FRAT1: variants seen among roughly 807,000 people sequenced by gnomAD.
FRAT1 encodes FRAT regulator of Wnt signaling pathway 1.
In FRAT1, 9 loss-of-function variants were observed where a neutral mutation model predicts 16.9. The ratio of observed to expected loss-of-function variants is 0.53; its 90% CI spans 0.32 to 0.93. FRAT1 has a LOEUF of 0.93. Ranked by LOEUF, FRAT1 falls within the 40% of genes least tolerant of loss-of-function variation. The pLI is 0.04. For synonymous variants in FRAT1, 191 were observed against 202.1 expected (o/e 0.95, Z 0.46); for missense variants, 354 against 402.8 (o/e 0.88, Z 1.04).
rs1161118174 is a variant in FRAT1, at chr10:97,319,389, C to T, written c.-65C>T. ...CCGCGCCCGCTCCGCCGCGGCCCACCGCGCCCGCCGGCAGCCGAGCCCCCA... is the reference window on the plus strand; with the variant it reads ...CCGCGCCCGCTCCGCCGCGGCCCACTGCGCCCGCCGGCAGCCGAGCCCCCA... On this transcript the variant is annotated 5_prime_UTR_variant, in exon 1 of 1. Coordinates refer to ENST00000371021, the MANE Select transcript of FRAT1 (RefSeq NM_005479.4). 1.6e-6 allele frequency: 2 copies of T among 1,275,836 alleles called. No individual in the cohort carries two copies. Among genetic ancestry groups the T allele is most frequent in the Non-Finnish European group, 9.9e-7 (1 of 1,013,432 alleles). 79.0% of individuals were successfully genotyped at this position (1,275,836 alleles called of 1,614,324 possible).
chr10:97,320,237 G>T lies in FRAT1; in HGVS notation c.784G>T (p.Ala262Ser). 6.2e-7 allele frequency: 1 copy of T among 1,604,330 alleles called. No homozygotes were observed. The highest frequency in any genetic ancestry group is 8.5e-7 in the Non-Finnish European group (1 of 1,176,188). ...TCGCGCGGCCTGCAGTGACCCTGGC[G>T]CCTCCGGGAGGGCGCAGCTCAGAAC... ...SPRAACSDPG[A>S]SGRAQLRTGD... Residue 262 changes from alanine (A) to serine (S), a missense_variant, in exon 1 of 1, where the codon GCC (alanine) becomes TCC (serine). Transcript: ENST00000371021.
chr10:97,319,962 G>A lies in FRAT1; in HGVS notation c.509G>A (p.Arg170Gln), dbSNP rs1442754450. The A allele has an allele frequency of 3.9e-6, 6 of 1,541,146 alleles. No homozygotes were observed. The highest frequency in any genetic ancestry group is 5.2e-6 in the Non-Finnish European group (6 of 1,146,556). The change falls in exon 1 of 1, where the codon CGA (arginine) becomes CAA (glutamine). Residue 170 changes from arginine (R) to glutamine (Q), a missense_variant. Around this residue, in one of 3 missense-constraint regions of FRAT1, gnomAD observed 286 missense variants for 311.0 expected, o/e 0.92. Coordinates refer to ENST00000371021, the MANE Select transcript of FRAT1 (RefSeq NM_005479.4). ...IPQPLSGPCR[R>Q]GWLRGAAASR... ...CAGCCGCTGTCGGGTCCGTGCCGGC[G>A]AGGATGGCTCCGGGGCGCCGCCGCC...
In FRAT1 at chr10:97,321,129, G is replaced by A. The variant is rs529930770; in HGVS notation, c.*836G>A. The A allele has an allele frequency of 3.0e-5, 5 of 167,276 alleles. No homozygotes were observed. The highest frequency in any genetic ancestry group is 3.9e-4 in the East Asian group (2 of 5,190). 10.4% of individuals were successfully genotyped at this position (167,276 alleles called of 1,614,324 possible). On this transcript the variant is annotated 3_prime_UTR_variant, in exon 1 of 1. Transcript: ENST00000371021. ...GAGTAGCCAGGTTCTGCCGGTGCTC[G>A]GAGAAGAGCGCAGTGTTTTGCAAGT...
Position 97,320,393 on chromosome 10 carries a change from G to T in FRAT1, c.*100G>T. ...AGGCTGGTGGAGAACTCTGGCTTTT[G>T]GAAGCGAGAGTAAAAAGCTAATGAC... On this transcript the variant is annotated 3_prime_UTR_variant, in exon 1 of 1. Coordinates refer to ENST00000371021, the MANE Select transcript of FRAT1 (RefSeq NM_005479.4). 8.5e-7 allele frequency: 1 copy of T among 1,178,772 alleles called. No individual in the cohort carries two copies. The highest frequency in any genetic ancestry group is 1.2e-6 in the Non-Finnish European group (1 of 864,614). The allele number at this position is 1,178,772 out of a possible 1,614,324, so 73.0% of individuals were successfully genotyped here.
At position 97,319,682 on chromosome 10, in the gene FRAT1, C is replaced by T. The variant is rs1027420801; in HGVS notation, c.229C>T (p.Leu77=). 2.6e-6 allele frequency: 3 copies of T among 1,175,246 alleles called. No individual in the cohort carries two copies. The highest frequency in any genetic ancestry group is 1.6e-5 in the African/African-American group (1 of 61,852). The allele number at this position is 1,175,246 out of a possible 1,614,324, so 72.8% of individuals were successfully genotyped here. The change falls in exon 1 of 1, where the codon CTG becomes TTG. Residue 77 remains leucine, a synonymous_variant. Transcript: ENST00000371021. ...PGAPLRAPGP[L]AAAVPADKAR... is the part of the protein sequence containing the mutation. ...GGCGCCGCTGCGGGCCCCGGGGCCCCTGGCTGCGGCGGTGCCGGCGGACAA... is the reference window on the plus strand; with the variant it reads ...GGCGCCGCTGCGGGCCCCGGGGCCCTTGGCTGCGGCGGTGCCGGCGGACAA...
chr10:97,319,826 G>T lies in FRAT1; in HGVS notation c.373G>T (p.Ala125Ser). 7.1e-7 allele frequency: 1 copy of T among 1,414,218 alleles called. No individual in the cohort carries two copies. The highest frequency in any genetic ancestry group is 9.1e-7 in the Non-Finnish European group (1 of 1,096,202). 87.6% of individuals were successfully genotyped at this position (1,414,218 alleles called of 1,614,324 possible). ...GGACCGCGGCCGCGTGCGGGGCCGC[G>T]CTGCGCCCTACTGCGTGGCCGAGCT... Reference protein sequence around the residue: ...LGDRGRVRGRAAPYCVAELAT... With the variant: ...LGDRGRVRGRSAPYCVAELAT... Residue 125 changes from alanine (A) to serine (S), a missense_variant, in exon 1 of 1, where the codon GCT becomes TCT. Transcript: ENST00000371021.
In FRAT1 at chr10:97,319,948, G is replaced by T. The variant is rs1414557738; in HGVS notation, c.495G>T (p.Ser165=). 10 of 1,537,622 alleles carry T rather than the reference G, an allele frequency of 6.5e-6. No individual in the cohort carries two copies. Among genetic ancestry groups the T allele is most frequent in the Non-Finnish European group, 8.7e-6 (10 of 1,145,822 alleles). ...AGKQGIPQPL[S]GPCRRGWLRG... ...AGCAGGGCATCCCGCAGCCGCTGTCGGGTCCGTGCCGGCGAGGATGGCTCC... is the reference window on the plus strand; with the variant it reads ...AGCAGGGCATCCCGCAGCCGCTGTCTGGTCCGTGCCGGCGAGGATGGCTCC... The change falls in exon 1 of 1, where the codon TCG becomes TCT. Residue 165 remains serine, a synonymous_variant. Coordinates refer to ENST00000371021, the MANE Select transcript of FRAT1 (RefSeq NM_005479.4).
rs1843443545 is a variant in FRAT1, at chr10:97,319,883, C to T, written c.430C>T (p.Pro144Ser). 1.3e-5 allele frequency: 20 copies of T among 1,526,500 alleles called. No homozygotes were observed. The highest frequency in any genetic ancestry group is 1.7e-5 in the Non-Finnish European group (19 of 1,143,586). The allele number at this position is 1,526,500 out of a possible 1,614,324, so 94.6% of individuals were successfully genotyped here. ...AGGCCCCAGCGCGCTGTCCCCACTG[C>T]CCCCTCAGGCCGACCTTGATGGGCC... is the stretch of plus-strand genomic sequence containing the variant. ...ATGPSALSPLPPQADLDGPPG... is the reference protein window; with the variant it reads ...ATGPSALSPLSPQADLDGPPG... The change falls in exon 1 of 1, where the codon CCC (proline) becomes TCC (serine). Residue 144 changes from proline to serine, a missense_variant. By Grantham distance (74) the Pro-to-Ser change is moderately conservative. Transcript: ENST00000371021.
chr10:97,321,198 G>T lies in FRAT1; in HGVS notation c.*905G>T. The T allele has an allele frequency of 6.0e-6, 1 of 166,354 alleles. No homozygotes were observed. The allele number at this position is 166,354 out of a possible 1,614,324, so 10.3% of individuals were successfully genotyped here. A position where few individuals can be genotyped will look rare whatever the true frequency, so the allele number is the denominator to read the frequency against. On this transcript the variant is annotated 3_prime_UTR_variant, in exon 1 of 1. Coordinates refer to ENST00000371021, the MANE Select transcript of FRAT1 (RefSeq NM_005479.4). Reference sequence around the variant, plus strand: ...CACGCGCGTCGCCGCCACCGCGGGTGTGGGAAAGCGCGGACGTGCTGGGCG... The same window carrying T: ...CACGCGCGTCGCCGCCACCGCGGGTTTGGGAAAGCGCGGACGTGCTGGGCG...
rs1251369985 is a variant in FRAT1 at position 97,319,619 on chromosome 10, G to A, written c.166G>A (p.Ala56Thr). ...QIGETLQLDA[A>T]QHSPASPCGP... ...CGGCGAGACGCTGCAGCTGGACGCG[G>A]CGCAGCACAGCCCGGCCTCGCCGTG... The change falls in exon 1 of 1, where the codon GCG becomes ACG. Residue 56 changes from alanine (A) to threonine (T), a missense_variant. Ala to Thr is a moderately conservative substitution (Grantham distance 58, BLOSUM62 0). Around this residue, in one of 3 missense-constraint regions of FRAT1, gnomAD observed 22 missense variants for 54.1 expected, o/e 0.41. Transcript: ENST00000371021. 2 of 1,390,072 alleles carry A rather than the reference G, an allele frequency of 1.4e-6. No homozygotes were observed. The highest frequency in any genetic ancestry group is 3.1e-5 in the South Asian group (2 of 63,998). 86.1% of individuals were successfully genotyped at this position (1,390,072 alleles called of 1,614,324 possible).
Position 97,320,912 on chromosome 10 carries a change from CA to C in FRAT1, c.*620del, listed in dbSNP as rs1351248519. On this transcript the variant is annotated 3_prime_UTR_variant, in exon 1 of 1. Coordinates refer to ENST00000371021, the MANE Select transcript of FRAT1 (RefSeq NM_005479.4). ...CTCTCTTTGCAACTGTCTCTCTTCT[CA>C]GAGTGGTGGGGGAAGGCTGTACGAC... 6.1e-6 allele frequency: 1 copy of C among 163,136 alleles called. No individual in the cohort carries two copies. The highest frequency in any genetic ancestry group is 1.5e-5 in the Non-Finnish European group (1 of 67,696). The allele number at this position is 163,136 out of a possible 1,614,324, so 10.1% of individuals were successfully genotyped here.
At position 97,320,297 on chromosome 10, in the gene FRAT1, G is replaced by T; in HGVS notation, c.*4G>T. The T allele has an allele frequency of 6.4e-7, 1 of 1,556,676 alleles. No individual in the cohort carries two copies. ...CGTTCTTGTGCCTGGCAGCTAACAC[G>T]CCCGGGGTGGCCACAGCGCCAGCCT... On this transcript the variant is annotated 3_prime_UTR_variant, in exon 1 of 1. Transcript: ENST00000371021.
At position 97,320,509 on chromosome 10, in the gene FRAT1, G is replaced by A. The variant is rs1843451745; in HGVS notation, c.*216G>A. 3 of 564,710 alleles carry A rather than the reference G, an allele frequency of 5.3e-6. No individual in the cohort carries two copies. The highest frequency in any genetic ancestry group is 9.4e-6 in the Non-Finnish European group (3 of 318,000). 35.0% of individuals were successfully genotyped at this position (564,710 alleles called of 1,614,324 possible). ...AAGGACTTTGGCCCTATTTAAGGCA[G>A]ATTTTACAGAGCGCACCTCAAACGT... On this transcript the variant is annotated 3_prime_UTR_variant, in exon 1 of 1. Coordinates refer to ENST00000371021, the MANE Select transcript of FRAT1 (RefSeq NM_005479.4).
In FRAT1 at chr10:97,319,798, G is replaced by A; in HGVS notation, c.345G>A (p.Leu115=). ...CCCCTGGGGTCCTGCGCTGCGCCCT[G>A]GGGGACCGCGGCCGCGTGCGGGGCC... ...PAPPGVLRCA[L]GDRGRVRGRA... The change falls in exon 1 of 1, where the codon CTG becomes CTA. Residue 115 remains leucine, a synonymous_variant. Transcript: ENST00000371021. 2 of 1,341,692 alleles carry A rather than the reference G, an allele frequency of 1.5e-6. No homozygotes were observed. The highest frequency in any genetic ancestry group is 1.9e-6 in the Non-Finnish European group (2 of 1,057,146). 83.1% of individuals were successfully genotyped at this position (1,341,692 alleles called of 1,614,324 possible).
At position 97,320,766 on chromosome 10, in the gene FRAT1, G is replaced by C. The variant is rs141543730; in HGVS notation, c.*473G>C. ...GAGAACATGAGTAGATAATTTCAGG[G>C]TGCAGCCCAATCTGCCAGACTTAAA... On this transcript the variant is annotated 3_prime_UTR_variant, in exon 1 of 1. Coordinates refer to ENST00000371021, the MANE Select transcript of FRAT1 (RefSeq NM_005479.4). 2.6e-3 allele frequency: 449 copies of C among 173,906 alleles called. 9 individuals are homozygous for C. The highest frequency in any genetic ancestry group is 0.025 in the Admixed American group (391 of 15,436). 10.8% of individuals were successfully genotyped at this position (173,906 alleles called of 1,614,324 possible). A position where few individuals can be genotyped will look rare whatever the true frequency, so the allele number is the denominator to read the frequency against.
chr10:97,320,361 T>A lies in FRAT1; in HGVS notation c.*68T>A. ...AAGGGGTTCCCTTGAGGGCTGCAGT[T>A]CTACTCAGGCTGGTGGAGAACTCTG... On this transcript the variant is annotated 3_prime_UTR_variant, in exon 1 of 1. Transcript: ENST00000371021. The A allele has an allele frequency of 1.5e-6, 2 of 1,356,704 alleles. No homozygotes were observed. Among genetic ancestry groups the A allele is most frequent in the Non-Finnish European group, 2.0e-6 (2 of 1,012,632 alleles). The allele number at this position is 1,356,704 out of a possible 1,614,324, so 84.0% of individuals were successfully genotyped here.
Position 97,319,924 on chromosome 10 carries a change from G to A in FRAT1, c.471G>A (p.Lys157=). ...ADLDGPPGAG[K]QGIPQPLSGP... ...TTGATGGGCCTCCGGGAGCTGGCAAGCAGGGCATCCCGCAGCCGCTGTCGG... is the reference window on the plus strand; with the variant it reads ...TTGATGGGCCTCCGGGAGCTGGCAAACAGGGCATCCCGCAGCCGCTGTCGG... The change falls in exon 1 of 1, where the codon AAG becomes AAA. Residue 157 remains lysine, a synonymous_variant. Transcript: ENST00000371021. 1.3e-6 allele frequency: 2 copies of A among 1,531,348 alleles called. No homozygotes were observed. Among genetic ancestry groups the A allele is most frequent in the African/African-American group, 1.4e-5 (1 of 72,454 alleles). 94.9% of individuals were successfully genotyped at this position (1,531,348 alleles called of 1,614,324 possible). A position where few individuals can be genotyped will look rare whatever the true frequency, so the allele number is the denominator to read the frequency against.
Position 97,319,503 on chromosome 10 carries a change from G to T in FRAT1, c.50G>T (p.Gly17Val). ...GAGGAAGCCGGCGAGGAGGCGGAGG[G>T]GGAGGAAGAGGAGGAGGACAGCTTC... is the stretch of plus-strand genomic sequence containing the variant. ...EEEEAGEEAE[G>V]EEEEEDSFLL... Residue 17 changes from glycine to valine, a missense_variant, in exon 1 of 1, where the codon GGG becomes GTG. By Grantham distance (109) the Gly-to-Val change is moderately radical. Transcript: ENST00000371021. The T allele has an allele frequency of 6.8e-7, 1 of 1,476,876 alleles. No individual in the cohort carries two copies. Among genetic ancestry groups the T allele is most frequent in the African/African-American group, 1.5e-5 (1 of 68,712 alleles). 91.5% of individuals were successfully genotyped at this position (1,476,876 alleles called of 1,614,324 possible). A position where few individuals can be genotyped will look rare whatever the true frequency, so the allele number is the denominator to read the frequency against.
rs1843439105 is a variant in FRAT1, at chr10:97,319,608, A to G, written c.155A>G (p.Gln52Arg). Residue 52 changes from glutamine to arginine, a missense_variant, in exon 1 of 1, where the codon CAG becomes CGG. Physicochemically the swap from Gln to Arg is conservative, Grantham distance 43 (BLOSUM62 1). This residue lies in a region of FRAT1 where 22 missense variants were observed against 54.1 expected (regional missense o/e 0.41). Transcript: ENST00000371021. ...GTGGCCCAGATCGGCGAGACGCTGC[A>G]GCTGGACGCGGCGCAGCACAGCCCG... The part of the protein sequence containing the change: ...RLVAQIGETL[Q>R]LDAAQHSPAS... 2.8e-6 allele frequency: 4 copies of G among 1,437,388 alleles called. No homozygotes were observed. The East Asian group carries it at 1.2e-4, about 44-fold the overall frequency. 89.0% of individuals were successfully genotyped at this position (1,437,388 alleles called of 1,614,324 possible).
Sources: gnomAD v4.1 joint callset for allele counts on GRCh38, gnomAD v4.1.1 for gene constraint, gnomAD v4.1.1 regional missense constraint, MANE v1.5 for transcripts, NCBI Gene and HGNC (gene_info 2026-07-23, HGNC 2026-07-21) for gene names.